FHIT: variants seen among roughly 807,000 people sequenced by gnomAD.
The protein encoded by FHIT is fragile histidine triad diadenosine triphosphatase, also known as bis(5'-adenosyl)-triphosphatase.
A neutral mutation model predicts 17.9 loss-of-function variants in FHIT; 19 were observed. The observed-to-expected ratio is 1.06, with a 90% confidence interval of 0.74 to 1.56. The LOEUF (loss-of-function observed/expected upper bound fraction) is 1.56. Ranked by LOEUF, FHIT falls within the 40% of genes most tolerant of loss-of-function variation. FHIT has a pLI of 0.00. For missense variants in FHIT, 248 were observed against 189.2 expected (o/e 1.31, Z -1.82); for synonymous variants, 81 against 69.7 (o/e 1.16, Z -0.81).
chr3:59,978,824 C>T (rs1708526332), intron 7 of FHIT, among the ~76,000 whole-genome samples: 2 of 151,520 alleles, frequency 1.3e-5, no homozygotes, highest in South Asian at 4.2e-4. Flanking sequence ...TAAAAAAAGG[C>T]TAAAACTCAA....
intron 5 of FHIT, among the ~76,000 whole-genome samples, chr3:60,353,836 A>T (rs1576523633): frequency 6.6e-6 from 1 of 152,268 alleles, no homozygotes; most frequent in East Asian, 1.9e-4. Flanking sequence ...ATTTTTAAAA[A>T]TTTATAAGAA....
At chr3:60,204,929 C>A (rs1703101213) in intron 5 of FHIT, among the ~76,000 whole-genome samples, 1 of 150,452 alleles carries the variant, frequency 6.6e-6, no homozygotes, top group South Asian at 2.1e-4. Context: ...CCATTTCTAC[C>A]AAAAAAAACA....
intron 8 of FHIT, among the ~76,000 whole-genome samples, chr3:59,904,678 C>G (rs1371094501): frequency 6.6e-6 from 1 of 152,064 alleles, no homozygotes; most frequent in Non-Finnish European, 1.5e-5. Context: ...TTGTACCATG[C>G]CCAAGAAGAA....
At chr3:60,968,011 T>A (rs528863748) in intron 3 of FHIT, among the ~76,000 whole-genome samples, 3 of 152,164 alleles carry the variant, frequency 2.0e-5, no homozygotes, top group Admixed American at 1.3e-4. Flanking sequence ...TAAAAAAAAA[T>A]TAGTAAGAAA....
In FHIT at chr3:60,217,844, G is replaced by A. The variant is rs370198900; in HGVS notation, c.104-203692C>T. Among the ~76,000 whole-genome samples the A allele has an allele frequency of 9.1e-4, 138 of 152,196 alleles. 2 individuals carry two copies. In the South Asian group the frequency reaches 0.028, roughly 30 times the overall value. Reference sequence around the variant, plus strand: ...TGTCACTTCCTCAAGGAATTACTCTGCAATCAACTGCAATATGTTATGTAT... The same window carrying A: ...TGTCACTTCCTCAAGGAATTACTCTACAATCAACTGCAATATGTTATGTAT... On this transcript the variant is annotated intron_variant, in intron 5 of 9. Transcript: ENST00000492590.
chr3:59,829,087 G>C (rs1701075797), intron 8 of FHIT, among the ~76,000 whole-genome samples: 2 of 152,078 alleles, frequency 1.3e-5, no homozygotes, highest in African/African-American at 2.4e-5. Flanking sequence ...GTACACATTG[G>C]GTACCAAAAG....
intron 3 of FHIT, among the ~76,000 whole-genome samples, chr3:60,862,943 G>T (rs952375624): frequency 2.0e-5 from 3 of 151,992 alleles, no homozygotes; most frequent in African/African-American, 7.3e-5. Flanking sequence ...ATGTATCAAG[G>T]TTACTAGTCA....
At chr3:60,324,900 G>A (rs1709615128) in intron 5 of FHIT, among the ~76,000 whole-genome samples, 1 of 151,670 alleles carries the variant, frequency 6.6e-6, no homozygotes, top group Non-Finnish European at 1.5e-5. Flanking sequence ...CTTTTTAAGG[G>A]TAAAAAGGCT....
At chr3:60,301,457 T>C (rs1475532855) in intron 5 of FHIT, among the ~76,000 whole-genome samples, 2 of 152,146 alleles carry the variant, frequency 1.3e-5, no homozygotes, top group Admixed American at 6.6e-5. Flanking sequence ...TCATTCAGCC[T>C]CATGTGCTCA....
intron 4 of FHIT, among the ~76,000 whole-genome samples, chr3:60,788,384 G>A (rs1014856): frequency 0.13 from 19,549 of 152,068 alleles, 1,821 homozygotes; most frequent in African/African-American, 0.26. Context: ...CTAATTCAGC[G>A]TTTGTGGAGA....
chr3:60,122,120 A>C (rs908413436), intron 5 of FHIT, among the ~76,000 whole-genome samples: 7 of 151,948 alleles, frequency 4.6e-5, no homozygotes, highest in Non-Finnish European at 8.8e-5. Context: ...CTAAAAAAAA[A>C]CGCCTAGAGA....
chr3:61,173,273 G>GAA (rs879936472), intron 2 of FHIT, among the ~76,000 whole-genome samples: 9 of 148,448 alleles, frequency 6.1e-5, no homozygotes, highest in Non-Finnish European at 1.3e-4. Context: ...CTGCTGAAAA[G>GAA]AAAAAAAAAA....
In FHIT at chr3:60,516,254, T is replaced by C. The variant is rs148812825; in HGVS notation, c.103+20606A>G. Among the ~76,000 whole-genome samples, 239 of 152,286 alleles carry C rather than the reference T, an allele frequency of 1.6e-3. 2 individuals carry two copies. Among genetic ancestry groups the C allele is most frequent in the Non-Finnish European group, 8.5e-4 (58 of 68,020 alleles). ...TCATTTACTTAAAATAATAAACCCA[T>C]ATGTTAATGTAATATTTTAATAATA... On this transcript the variant is annotated intron_variant, in intron 5 of 9. Transcript: ENST00000492590.
intron 2 of FHIT, among the ~76,000 whole-genome samples, chr3:61,180,890 T>A (rs568254656): frequency 2.0e-4 from 30 of 152,326 alleles, no homozygotes; most frequent in East Asian, 1.9e-3. Context: ...GAGTGGGGCA[T>A]AGTTAATGAT....
intron 5 of FHIT, among the ~76,000 whole-genome samples, chr3:60,456,644 G>C (rs1487528838): frequency 6.6e-6 from 1 of 152,160 alleles, no homozygotes; most frequent in African/African-American, 2.4e-5. Flanking sequence ...GATCAAAGAA[G>C]CTGCAGCTAT....
chr3:61,182,359 G>C (rs950346919), intron 2 of FHIT, among the ~76,000 whole-genome samples: 1 of 152,138 alleles, frequency 6.6e-6, no homozygotes. Flanking sequence ...CTATGAGCCA[G>C]TGTTCTATAT....
chr3:60,284,579 A>C (rs1559788671), intron 5 of FHIT, among the ~76,000 whole-genome samples: 3 of 152,130 alleles, frequency 2.0e-5, no homozygotes, highest in Admixed American at 6.5e-5. Flanking sequence ...ATAAAGAGCT[A>C]CACTTTTTTA....
chr3:61,043,648 GT>G (rs778679061), intron 2 of FHIT, among the ~76,000 whole-genome samples: 1 of 152,218 alleles, frequency 6.6e-6, no homozygotes, highest in Non-Finnish European at 1.5e-5. Context: ...CCACCATGGA[GT>G]TTGACATCTG....
intron 4 of FHIT, among the ~76,000 whole-genome samples, chr3:60,785,430 C>A (rs1419140828): frequency 5.9e-5 from 9 of 152,298 alleles, no homozygotes; most frequent in African/African-American, 2.2e-4. Flanking sequence ...GTATATTAAA[C>A]TCCCACGAAG....
Sources: allele counts gnomAD v4.1 joint callset (sites outside exome capture counted in the v4.1 genomes callset), GRCh38; gene constraint gnomAD v4.1.1; transcripts MANE v1.5; gene names NCBI Gene and HGNC (gene_info 2026-07-23, HGNC 2026-07-21).